Variants in XCR1 observed in about 807,000 individuals in gnomAD.
XCR1 encodes the protein X-C motif chemokine receptor 1.
For missense variants in XCR1, 356 were observed against 424.2 expected (o/e 0.84, Z 1.41); for synonymous variants, 187 against 188.5 (o/e 0.99, Z 0.06).
Position 46,077,624 on chromosome 3 carries a change from G to A in XCR1, c.-514-698C>T, listed in dbSNP as rs189729602. On this transcript the variant is annotated intron_variant, in intron 1 of 5. Transcript: ENST00000683768. ...GGAAAAATTGTCTTCCATGAAACTCGTCCCTGGTGCCAAAATTTTGGGGAC... is the reference window on the plus strand; with the variant it reads ...GGAAAAATTGTCTTCCATGAAACTCATCCCTGGTGCCAAAATTTTGGGGAC... Among the ~76,000 whole-genome samples the A allele has an allele frequency of 1.2e-4, 18 of 152,050 alleles. No individual in the cohort carries two copies. In the East Asian group the frequency reaches 1.7e-3, roughly 15 times the overall value.
At chr3:46,074,889 C>T (rs889838342) in intron 2 of XCR1, among the ~76,000 whole-genome samples, 1 of 152,086 alleles carries the variant, frequency 6.6e-6, no homozygotes, top group Non-Finnish European at 1.5e-5. Context: ...ATGAGATAAA[C>T]CCACTCTTCA....
At chr3:46,034,104 C>T (rs1167016559) in intron 5 of XCR1, among the ~76,000 whole-genome samples, 1 of 152,126 alleles carries the variant, frequency 6.6e-6, no homozygotes, top group Non-Finnish European at 1.5e-5. Flanking sequence ...TCTGGAGTAG[C>T]TGGGATTACA....
intron 4 of XCR1, among the ~76,000 whole-genome samples, chr3:46,065,281 G>T (rs1698046721): frequency 6.6e-6 from 1 of 152,168 alleles, no homozygotes. Context: ...TCCCCAACCT[G>T]CTTTTCCTTC....
rs1708057839 is a variant in XCR1, at chr3:46,017,190, C to T, written c.*3756G>A. ...TCTCTACAGTTTATAGGTGAGGAAA[C>T]TGAGCCTTGAGAGGCCCAAGGTCAC... On this transcript the variant is annotated 3_prime_UTR_variant, in exon 2 of 2. Transcript: ENST00000309285. 1 of 152,196 alleles carries T rather than the reference C, an allele frequency of 6.6e-6. No homozygotes were observed. Among genetic ancestry groups the T allele is most frequent in the Non-Finnish European group, 1.5e-5 (1 of 68,056 alleles). The allele number at this position is 152,196 out of a possible 1,614,324, so 9.4% of individuals were successfully genotyped here.
At chr3:46,072,950 A>G (rs1359852001) in intron 3 of XCR1, among the ~76,000 whole-genome samples, 3 of 152,180 alleles carry the variant, frequency 2.0e-5, no homozygotes, top group African/African-American at 7.2e-5. Context: ...AGAATAGAGA[A>G]CCCAGAAATA....
At chr3:46,077,709 A>G (rs767831292) in intron 1 of XCR1, among the ~76,000 whole-genome samples, 4 of 152,170 alleles carry the variant, frequency 2.6e-5, no homozygotes, top group Non-Finnish European at 5.9e-5. Context: ...CTGCAAACCA[A>G]TGAGAATTCC....
At chr3:46,057,944 CTAT>C (rs1697885604) in intron 4 of XCR1, among the ~76,000 whole-genome samples, 1 of 147,362 alleles carries the variant, frequency 6.8e-6, no homozygotes, top group Admixed American at 6.9e-5. Flanking sequence ...ACGCATCCAT[CTAT>C]CTATCTATCT....
chr3:46,081,006 A>C (rs1698352707), intron 1 of XCR1, among the ~76,000 whole-genome samples: 1 of 152,132 alleles, frequency 6.6e-6, no homozygotes, highest in African/African-American at 2.4e-5. Flanking sequence ...TTCTGGTGCT[A>C]ATTTATGTGT....
At chr3:46,076,135 T>A (rs1359714098) in intron 2 of XCR1, among the ~76,000 whole-genome samples, 1 of 152,138 alleles carries the variant, frequency 6.6e-6, no homozygotes, top group African/African-American at 2.4e-5. Flanking sequence ...CCCAAGTGAT[T>A]CCATGAGCAG....
intron 2 of XCR1, among the ~76,000 whole-genome samples, chr3:46,075,308 C>CAAAAAAAAAAAAAAAAAAAAAAA (rs56787185): frequency 5.8e-4 from 36 of 61,642 alleles, no homozygotes; most frequent in East Asian, 1.7e-3. Flanking sequence ...GCTCATAGAC[C>CAAAAAAAAAAAAAAAAAAAAAAA]AAAAAAAAAA....
At chr3:46,076,355 C>A (rs748321040) in intron 2 of XCR1, among the ~76,000 whole-genome samples, 1 of 152,144 alleles carries the variant, frequency 6.6e-6, no homozygotes, top group Non-Finnish European at 1.5e-5. Context: ...ATGAGTCCTG[C>A]TGAAATCTGG....
At chr3:46,085,723 T>C (rs1426259805) in intron 1 of XCR1, among the ~76,000 whole-genome samples, 1 of 151,462 alleles carries the variant, frequency 6.6e-6, no homozygotes, top group Non-Finnish European at 1.5e-5. Flanking sequence ...CCCAACCCCA[T>C]ACATTCAGTC....
intron 5 of XCR1, among the ~76,000 whole-genome samples, chr3:46,042,556 A>G (rs1697554785): frequency 6.6e-6 from 1 of 152,198 alleles, no homozygotes; most frequent in Non-Finnish European, 1.5e-5. Context: ...ATTGAAGGCC[A>G]ACAAATTGGG....
intron 5 of XCR1, among the ~76,000 whole-genome samples, chr3:46,043,717 T>TACACACACACACAC (rs144432920): frequency 1.1e-4 from 15 of 141,576 alleles, no homozygotes; most frequent in East Asian, 2.2e-4. Context: ...ACCTCATCTC[T>TACACACACACACAC]ACACACACAC....
At chr3:46,074,212 A>ATTTTTTTTTTTTTTT (rs1384010299) in intron 3 of XCR1, among the ~76,000 whole-genome samples, 1 of 88,388 alleles carries the variant, frequency 1.1e-5, no homozygotes, top group African/African-American at 7.4e-5. Context: ...ACTGAAGGCC[A>ATTTTTTTTTTTTTTT]TCTTTTTTTT....
At chr3:46,054,460 G>A (rs1575428039) in intron 4 of XCR1, among the ~76,000 whole-genome samples, 2 of 151,928 alleles carry the variant, frequency 1.3e-5, no homozygotes, top group African/African-American at 2.4e-5. Context: ...TCCCACGGGC[G>A]TTCGGCTCCC....
intron 4 of XCR1, among the ~76,000 whole-genome samples, chr3:46,065,891 G>C (rs1486722833): frequency 6.6e-6 from 1 of 152,212 alleles, no homozygotes; most frequent in Non-Finnish European, 1.5e-5. Flanking sequence ...GAAGCTTGAG[G>C]CGTCTTTGCC....
At chr3:46,035,105 C>G (rs1468751275) in intron 5 of XCR1, among the ~76,000 whole-genome samples, 1 of 152,152 alleles carries the variant, frequency 6.6e-6, no homozygotes. Context: ...CAGGTGCTCA[C>G]CACCACAGCC....
chr3:46,026,907 T>A (rs1405901076), intron 1 of XCR1, among the ~76,000 whole-genome samples: 2 of 151,292 alleles, frequency 1.3e-5, no homozygotes, highest in Admixed American at 1.3e-4. Flanking sequence ...ATTTTTTTTT[T>A]TTTTGACAGG....
Sources: gnomAD v4.1 joint callset for allele counts (sites outside exome capture counted in the v4.1 genomes callset) on GRCh38, gnomAD v4.1.1 for gene constraint, MANE v1.5 for transcripts, NCBI Gene and HGNC (gene_info 2026-07-23, HGNC 2026-07-21) for gene names.